RANBP2: variants seen among roughly 807,000 people sequenced by gnomAD.
RANBP2 encodes RAN binding protein 2, also known as E3 SUMO-protein ligase RanBP2.
RANBP2 carries 57 observed loss-of-function variants against 303.6 expected under a neutral mutation model. The observed-to-expected ratio is 0.19, with a 90% CI of 0.15 to 0.23. The LOEUF is 0.23. Ranked by LOEUF, RANBP2 falls within the 10% of genes least tolerant of loss-of-function variation. The pLI is 1.00. For missense variants in RANBP2, 3,138 were observed against 3,780.8 expected, an observed-to-expected ratio of 0.83 and a Z score of 4.46; for synonymous variants, 1,167 against 1,301.5, an observed-to-expected ratio of 0.90 and a Z score of 2.23.
chr2:108,728,578 A>C (rs1047459227), intron 1 of RANBP2, among the ~76,000 whole-genome samples: 4 of 148,368 alleles, frequency 2.7e-5, no homozygotes, highest in Non-Finnish European at 5.9e-5. Context: ...GGTGTGACCA[A>C]CTGCACCCAG....
At chr2:108,823,340 A>G in the RANBP2 span, among the ~76,000 whole-genome samples, 1 of 152,224 alleles carries the variant, frequency 6.6e-6, no homozygotes, top group Non-Finnish European at 1.5e-5. Context: ...GCAATAAAAA[A>G]CTATTGACTA....
the RANBP2 span, among the ~76,000 whole-genome samples, chr2:109,692,335 C>T: frequency 1.3e-5 from 2 of 151,834 alleles, no homozygotes; most frequent in African/African-American, 2.4e-5. Flanking sequence ...AGGGGTGGCA[C>T]ATCTCCTTGG....
chr2:109,291,457 A>AG, the RANBP2 span, among the ~76,000 whole-genome samples: 1 of 152,134 alleles, frequency 6.6e-6, no homozygotes, highest in East Asian at 1.9e-4. Context: ...GTCAGATGGT[A>AG]GGGCCAGGAG....
chr2:108,868,036 G>A, the RANBP2 span, among the ~76,000 whole-genome samples: 1 of 152,178 alleles, frequency 6.6e-6, no homozygotes, highest in Non-Finnish European at 1.5e-5. Flanking sequence ...GTTCTAGTCA[G>A]TTATCGACAG....
chr2:109,763,085 C>A, the RANBP2 span, among the ~76,000 whole-genome samples: 6 of 150,024 alleles, frequency 4.0e-5, no homozygotes, highest in Non-Finnish European at 7.4e-5. Context: ...CCATTGTTTT[C>A]TTATTTGAGT....
the RANBP2 span, among the ~76,000 whole-genome samples, chr2:109,548,158 G>A: frequency 2.1e-5 from 3 of 143,914 alleles, no homozygotes; most frequent in Non-Finnish European, 4.5e-5. Flanking sequence ...GGTGGACCTG[G>A]TTTAATTGTG....
chr2:108,782,432 A>T, intron 27 of RANBP2, 31 bp downstream of exon 27: 1 of 1,613,848 alleles, frequency 6.2e-7, no homozygotes, highest in Non-Finnish European at 8.5e-7. Flanking sequence ...GCTACTTTTC[A>T]TTTTTTGGAC....
the RANBP2 span, among the ~76,000 whole-genome samples, chr2:109,055,547 C>CTTT: frequency 1.7e-4 from 25 of 151,378 alleles, no homozygotes; most frequent in African/African-American, 5.8e-4. Context: ...CTTTTCTTTT[C>CTTT]TTTTCTTTTT....
At chr2:109,099,012 C>G in the RANBP2 span, among the ~76,000 whole-genome samples, 1 of 152,326 alleles carries the variant, frequency 6.6e-6, no homozygotes, top group Admixed American at 6.5e-5. Context: ...TTGCAGCCTG[C>G]AGGCTAGCCA....
the RANBP2 span, among the ~76,000 whole-genome samples, chr2:108,853,920 ATATT>A: frequency 5.7e-5 from 7 of 122,902 alleles, no homozygotes; most frequent in Admixed American, 1.0e-4. Flanking sequence ...TATAGTATAT[ATATT>A]ATATATAATT....
At chr2:109,581,336 C>A in the RANBP2 span, among the ~76,000 whole-genome samples, 2 of 151,854 alleles carry the variant, frequency 1.3e-5, no homozygotes, top group Non-Finnish European at 2.9e-5. Flanking sequence ...GTTTGGGAGG[C>A]TGAGGCTTGA....
the RANBP2 span, chr2:108,910,821 C>T: frequency 1.9e-5 from 30 of 1,613,822 alleles, no homozygotes; most frequent in East Asian, 1.1e-4. Flanking sequence ...TGGGCCTCCA[C>T]GCTCTTCCCC....
the RANBP2 span, among the ~76,000 whole-genome samples, chr2:109,429,238 C>T: frequency 6.6e-6 from 1 of 152,158 alleles, no homozygotes; most frequent in Non-Finnish European, 1.5e-5. Flanking sequence ...CCAAGGCCCA[C>T]CCAACACGAG....
intron 7 of RANBP2, among the ~76,000 whole-genome samples, chr2:108,741,495 CTTTTTTTTTTTTTTT>C (rs34872068): frequency 1.6e-5 from 1 of 61,784 alleles, no homozygotes; most frequent in African/African-American, 6.8e-5. Context: ...TGCGCCTGGC[CTTTTTTTTTTTTTTT>C]TTTTTTTTTT....
In RANBP2 at chr2:108,753,146, G is replaced by A. The variant is rs1402462462; in HGVS notation, c.1904G>A (p.Ser635Asn). ...GATCCTCTGTTTAAACATTTTCATA[G>A]TGTAGACATTCAGGTAACAGAGTTC... ...PIDPLFKHFH[S>N]VDIQASEIVE... The change falls in exon 13 of 29, where the codon AGT (serine) becomes AAT (asparagine). Residue 635 changes from serine to asparagine, a missense_variant. By Grantham distance (46) the Ser-to-Asn change is conservative (BLOSUM62 1). Coordinates refer to ENST00000283195, the MANE Select transcript of RANBP2 (RefSeq NM_006267.5). 6.2e-7 allele frequency: 1 copy of A among 1,608,814 alleles called. No individual in the cohort carries two copies. Among genetic ancestry groups the A allele is most frequent in the South Asian group, 1.1e-5 (1 of 89,964 alleles).
At chr2:108,725,986 G>A (rs1329363573) in intron 1 of RANBP2, among the ~76,000 whole-genome samples, 1 of 151,990 alleles carries the variant, frequency 6.6e-6, no homozygotes, top group African/African-American at 2.4e-5. Flanking sequence ...AAATGGAATT[G>A]CTTTCTTAAT....
the RANBP2 span, among the ~76,000 whole-genome samples, chr2:109,292,824 C>A: frequency 1.3e-5 from 2 of 152,142 alleles, no homozygotes; most frequent in Non-Finnish European, 2.9e-5. Flanking sequence ...CCTCTGCCTC[C>A]CAGGTTAAAG....
chr2:109,325,229 G>A, the RANBP2 span, among the ~76,000 whole-genome samples: 1 of 151,364 alleles, frequency 6.6e-6, no homozygotes, highest in African/African-American at 2.4e-5. Context: ...CATGGCTGGA[G>A]TCAAAGTGAG....
the RANBP2 span, among the ~76,000 whole-genome samples, chr2:109,471,206 CAAAAAA>C: frequency 0.043 from 1,714 of 40,108 alleles, 32 homozygotes; most frequent in African/African-American, 0.094. Context: ...GACTCTGTCT[CAAAAAA>C]AAAAAAAAAA....
Sources: allele counts gnomAD v4.1 joint callset (sites outside exome capture counted in the v4.1 genomes callset), GRCh38; gene constraint gnomAD v4.1.1; transcripts MANE v1.5; gene names NCBI Gene and HGNC (gene_info 2026-07-23, HGNC 2026-07-21).